RYR3: variants seen among roughly 807,000 people sequenced by gnomAD.
RYR3 encodes ryanodine receptor 3.
A neutral mutation model predicts 584.3 loss-of-function variants in RYR3; 207 were observed. The observed-to-expected ratio is 0.35, with a 90% CI of 0.32 to 0.40. The LOEUF is 0.40. RYR3 is among the 10% of genes least tolerant of loss of function. The pLI is 1.00. For missense variants in RYR3, 5,616 were observed against 6,089.2 expected, an observed-to-expected ratio of 0.92 and a Z score of 2.59; for synonymous variants, 2,416 against 2,248.5, an observed-to-expected ratio of 1.07 and a Z score of -2.11.
chr15:33,763,900 A>C (rs1266047935), intron 60 of RYR3, among the ~76,000 whole-genome samples: 1 of 132,330 alleles, frequency 7.6e-6, no homozygotes, highest in African/African-American at 3.1e-5. Context: ...CTCAAAAAAA[A>C]AAAAAAAAAA....
chr15:33,581,934 A>G lies in RYR3; in HGVS notation c.1573+291A>G, dbSNP rs2058615417. Among the ~76,000 whole-genome samples the G allele has an allele frequency of 3.9e-5, 6 of 152,240 alleles. No homozygotes were observed. In the South Asian group the frequency reaches 1.2e-3, roughly 32 times the overall value. On this transcript the variant is annotated intron_variant, in intron 14 of 103. Coordinates refer to ENST00000634891, the MANE Select transcript of RYR3 (RefSeq NM_001036.6). ...TTACCTTTCATGAGGAAACGAGACT[A>G]GAACACATTTATGATGTCTTCCAGT...
chr15:33,813,433 C>G (rs763564958), intron 73 of RYR3, 34 bp from the exon 74 acceptor site: 4 of 1,563,594 alleles, frequency 2.6e-6, no homozygotes, highest in Non-Finnish European at 3.5e-6. Flanking sequence ...GAAGATCAGC[C>G]TAATGTGCAC....
At position 33,813,533 on chromosome 15, in the gene RYR3, G is replaced by A. The variant is rs2152949600; in HGVS notation, c.10456G>A (p.Ala3486Thr). ...HKLLSKQRKR[A>T]VVACFRMAPL... Reference sequence around the variant, plus strand: ...ACTGTTATCAAAGCAACGGAAACGGGCAGTGGTGGCCTGTTTCAGGATGGC... The same window carrying A: ...ACTGTTATCAAAGCAACGGAAACGGACAGTGGTGGCCTGTTTCAGGATGGC... Residue 3486 changes from alanine (A) to threonine (T), a missense_variant, in exon 74 of 104, where the codon GCA becomes ACA. Ala to Thr is a moderately conservative substitution (Grantham distance 58, BLOSUM62 0). Transcript: ENST00000634891. 6.2e-7 allele frequency: 1 copy of A among 1,613,970 alleles called. No individual in the cohort carries two copies. The highest frequency in any genetic ancestry group is 8.5e-7 in the Non-Finnish European group (1 of 1,179,880).
chr15:33,474,515 G>A (rs115989672), intron 2 of RYR3, among the ~76,000 whole-genome samples: 29 of 152,194 alleles, frequency 1.9e-4, no homozygotes, highest in African/African-American at 7.0e-4. Context: ...AAGTTATCAA[G>A]GCTAATAGCC....
intron 1 of RYR3, among the ~76,000 whole-genome samples, chr15:33,427,984 G>A (rs1489582271): frequency 6.6e-6 from 1 of 152,150 alleles, no homozygotes; most frequent in Non-Finnish European, 1.5e-5. Context: ...TCCCAGAAAC[G>A]GAGATCTCTC....
intron 18 of RYR3, 26 bp from the exon 19 acceptor site, chr15:33,613,157 C>T: frequency 1.3e-6 from 2 of 1,596,850 alleles, no homozygotes. Flanking sequence ...AGTTCCACAG[C>T]CTTCTTCCTG....
At chr15:33,825,086 G>A (rs999949261) in intron 81 of RYR3, among the ~76,000 whole-genome samples, 1 of 152,202 alleles carries the variant, frequency 6.6e-6, no homozygotes, top group African/African-American at 2.4e-5. Context: ...GCTTTTGCAT[G>A]ATGTAGAATC....
intron 27 of RYR3, among the ~76,000 whole-genome samples, chr15:33,639,051 C>T (rs1950368779): frequency 6.6e-6 from 1 of 152,194 alleles, no homozygotes; most frequent in Admixed American, 6.5e-5. Flanking sequence ...GAGCCAAGCA[C>T]CCTTGGACTT....
chr15:33,727,119 G>A (rs947865700), intron 46 of RYR3, among the ~76,000 whole-genome samples: 1 of 152,188 alleles, frequency 6.6e-6, no homozygotes, highest in African/African-American at 2.4e-5. Context: ...TGTGTAGGCA[G>A]TTGGGGCACA....
intron 32 of RYR3, among the ~76,000 whole-genome samples, chr15:33,657,388 A>C (rs2062879359): frequency 6.6e-6 from 1 of 152,206 alleles, no homozygotes; most frequent in Non-Finnish European, 1.5e-5. Flanking sequence ...TGTTAGCAGA[A>C]ACGCATGGGC....
At position 33,865,239 on chromosome 15, in the gene RYR3, G is replaced by GAAGC. The variant is rs758338921; in HGVS notation, c.*14_*17dup. 39 of 1,595,328 alleles carry GAAGC rather than the reference G, an allele frequency of 2.4e-5. No homozygotes were observed. The highest frequency in any genetic ancestry group is 3.4e-5 in the Non-Finnish European group (39 of 1,163,342). On this transcript the variant is annotated 3_prime_UTR_variant, in exon 104 of 104. Coordinates refer to ENST00000634891, the MANE Select transcript of RYR3 (RefSeq NM_001036.6). ...TCAGCTTGGATAAATCTGAATCAAAGAAGCGCGACAATTCTGGACAGTCAA... is the reference window on the plus strand; with the variant it reads ...TCAGCTTGGATAAATCTGAATCAAAGAAGCAAGCGCGACAATTCTGGACAGTCAA...
chr15:33,334,626 A>G (rs1970743696), intron 1 of RYR3, among the ~76,000 whole-genome samples: 1 of 152,190 alleles, frequency 6.6e-6, no homozygotes, highest in African/African-American at 2.4e-5. Context: ...GCATAGGCAA[A>G]AATTTCATAA....
At chr15:33,482,408 G>T (rs1034490450) in intron 2 of RYR3, among the ~76,000 whole-genome samples, 1 of 151,634 alleles carries the variant, frequency 6.6e-6, no homozygotes, top group African/African-American at 2.4e-5. Context: ...TTTGGTTTTT[G>T]TTGTTGTTGT....
At chr15:33,696,638 C>A in intron 39 of RYR3, 147 bp downstream of exon 39, 1 of 843,430 alleles carries the variant, frequency 1.2e-6, no homozygotes, top group Non-Finnish European at 1.8e-6. Flanking sequence ...GAGTCATATC[C>A]TTTGCAACCT....
At chr15:33,492,104 A>G (rs890861263) in intron 2 of RYR3, among the ~76,000 whole-genome samples, 14 of 152,234 alleles carry the variant, frequency 9.2e-5, no homozygotes, top group Non-Finnish European at 1.8e-4. Context: ...TAACTCCTGC[A>G]GGATCTGACT....
At chr15:33,538,308 G>A (rs1054750448) in intron 5 of RYR3, among the ~76,000 whole-genome samples, 2 of 152,082 alleles carry the variant, frequency 1.3e-5, no homozygotes, top group Non-Finnish European at 2.9e-5. Flanking sequence ...AGGTCATCTG[G>A]CAGAGACCTG....
rs1485242342 is a variant in RYR3 at position 33,530,671 on chromosome 15, G to T, written c.354+5G>T. The stretch of plus-strand genomic sequence containing the variant: ...AGGCACTCTTTCAGCGGAATGGTAA[G>T]CAGCTCTGGTGCCCACTTTCATCAT... On this transcript the variant is annotated splice_donor_5th_base_variant and intron_variant, in intron 4 of 103. Coordinates refer to ENST00000634891, the MANE Select transcript of RYR3 (RefSeq NM_001036.6). 3 of 1,610,358 alleles carry T rather than the reference G, an allele frequency of 1.9e-6. No individual in the cohort carries two copies. The highest frequency in any genetic ancestry group is 2.5e-6 in the Non-Finnish European group (3 of 1,176,868).
intron 19 of RYR3, among the ~76,000 whole-genome samples, chr15:33,615,911 G>A (rs2060426036): frequency 6.6e-6 from 1 of 152,126 alleles, no homozygotes; most frequent in Non-Finnish European, 1.5e-5. Context: ...CCACTCCTTA[G>A]GAATAAAGAG....
intron 1 of RYR3, among the ~76,000 whole-genome samples, chr15:33,402,394 C>T (rs2042740673): frequency 6.6e-6 from 1 of 152,196 alleles, no homozygotes; most frequent in Non-Finnish European, 1.5e-5. Context: ...TTGATTCTCT[C>T]CCCAAATACT....
Sources: gnomAD v4.1 joint callset for allele counts (sites outside exome capture counted in the v4.1 genomes callset) on GRCh38, gnomAD v4.1.1 for gene constraint, MANE v1.5 for transcripts, NCBI Gene and HGNC (gene_info 2026-07-23, HGNC 2026-07-21) for gene names.